The following CNTNAP5 variants were observed in gnomAD, a reference collection of about 807,000 sequenced individuals.
CNTNAP5 encodes contactin associated protein family member 5.
Under a neutral mutation model 150.2 loss-of-function variants are expected in CNTNAP5, and 72 were observed. That is an observed-to-expected ratio of 0.48 (90% CI 0.40 to 0.58). The LOEUF (loss-of-function observed/expected upper bound fraction) is 0.58. Ranked by LOEUF, CNTNAP5 falls within the 20% of genes least tolerant of loss-of-function variation. The probability of loss-of-function intolerance (pLI) is 0.00; values close to 1 mark genes in which losing one functional copy is unlikely to be tolerated. For missense variants in CNTNAP5, 1,636 were observed against 1,626.2 expected (o/e 1.01, Z -0.10); for synonymous variants, 672 against 619.8 (o/e 1.08, Z -1.25).
intron 19 of CNTNAP5, among the ~76,000 whole-genome samples, chr2:124,810,437 G>A (rs1682183703): frequency 2.0e-5 from 3 of 152,160 alleles, no homozygotes; most frequent in Non-Finnish European, 4.4e-5. Context: ...AGATACAGTG[G>A]AGGGCAGGGG....
At chr2:124,193,765 C>T (rs1385187140) in intron 1 of CNTNAP5, among the ~76,000 whole-genome samples, 2 of 152,172 alleles carry the variant, frequency 1.3e-5, no homozygotes, top group Admixed American at 6.5e-5. Flanking sequence ...TTTAAGCTAA[C>T]TCCTGTTAAA....
intron 8 of CNTNAP5, among the ~76,000 whole-genome samples, chr2:124,508,984 A>T (rs1311382583): frequency 6.6e-6 from 1 of 152,246 alleles, no homozygotes; most frequent in Non-Finnish European, 1.5e-5. Flanking sequence ...TGTTCCAATA[A>T]TTTTTGAGAG....
intron 1 of CNTNAP5, among the ~76,000 whole-genome samples, chr2:124,152,776 A>G (rs535051196): frequency 6.6e-6 from 1 of 152,298 alleles, no homozygotes; most frequent in South Asian, 2.1e-4. Flanking sequence ...CTAAATTTCA[A>G]TTCTGAAGGA....
At chr2:124,830,775 GA>G (rs1303422326) in intron 19 of CNTNAP5, among the ~76,000 whole-genome samples, 4 of 151,884 alleles carry the variant, frequency 2.6e-5, no homozygotes, top group African/African-American at 9.6e-5. Context: ...TAGAACTGGA[GA>G]AAAAAAGTTA....
chr2:124,216,741 A>G (rs902610707), intron 1 of CNTNAP5, among the ~76,000 whole-genome samples: 4 of 152,208 alleles, frequency 2.6e-5, no homozygotes, highest in Non-Finnish European at 5.9e-5. Flanking sequence ...ATGGCTGCAT[A>G]GTATTCCATG....
intron 3 of CNTNAP5, among the ~76,000 whole-genome samples, chr2:124,277,098 A>G (rs1336503234): frequency 1.3e-5 from 2 of 152,190 alleles, no homozygotes; most frequent in Admixed American, 6.6e-5. Context: ...CATGTAAAAT[A>G]TAAATGTTGC....
chr2:124,047,384 C>G (rs17010766), intron 1 of CNTNAP5, among the ~76,000 whole-genome samples: 64 of 152,328 alleles, frequency 4.2e-4, no homozygotes, highest in African/African-American at 1.3e-3. Flanking sequence ...GGTGAAGTAT[C>G]TTACCCAAGG....
At chr2:124,379,818 G>T (rs1558875535) in intron 3 of CNTNAP5, among the ~76,000 whole-genome samples, 1 of 152,070 alleles carries the variant, frequency 6.6e-6, no homozygotes, top group Non-Finnish European at 1.5e-5. Flanking sequence ...TTGCGCAGAG[G>T]TGTAGATGGT....
In CNTNAP5 at chr2:124,273,919, G is replaced by A. The variant is rs75653699; in HGVS notation, c.381+31526G>A. Among the ~76,000 whole-genome samples, 1,368 of 152,268 alleles carry A rather than the reference G, an allele frequency of 9.0e-3. 22 individuals are homozygous for A. The highest frequency in any genetic ancestry group is 0.031 in the African/African-American group (1,280 of 41,556). ...ATGTCCAGTTAGCAAAATTGCTGGA[G>A]AAGAGGTACAAATTTGTGTGAGTCC... On this transcript the variant is annotated intron_variant, in intron 3 of 23. Coordinates refer to ENST00000682447, the MANE Select transcript of CNTNAP5 (RefSeq NM_001367498.1).
intron 7 of CNTNAP5, among the ~76,000 whole-genome samples, chr2:124,496,320 C>T (rs931228728): frequency 2.6e-5 from 4 of 152,096 alleles, no homozygotes; most frequent in African/African-American, 9.7e-5. Flanking sequence ...AGTTCTCAGA[C>T]AAATCAAATT....
chr2:124,082,981 C>A (rs1386139036), intron 1 of CNTNAP5, among the ~76,000 whole-genome samples: 1 of 152,160 alleles, frequency 6.6e-6, no homozygotes, highest in African/African-American at 2.4e-5. Context: ...CCAGTTGTAA[C>A]TGGATCATTT....
At chr2:124,640,787 A>G (rs1392562489) in intron 12 of CNTNAP5, among the ~76,000 whole-genome samples, 1 of 152,110 alleles carries the variant, frequency 6.6e-6, no homozygotes, top group Non-Finnish European at 1.5e-5. Flanking sequence ...AACGGTTCAT[A>G]GCAGATCAGC....
chr2:124,485,632 A>G (rs970841812), intron 7 of CNTNAP5, among the ~76,000 whole-genome samples: 27 of 125,370 alleles, frequency 2.2e-4, no homozygotes, highest in East Asian at 4.9e-4. Context: ...AAAAAAAAAA[A>G]AAGAAGAAGG....
At position 124,542,393 on chromosome 2, in the gene CNTNAP5, G is replaced by A. The variant is rs573297018; in HGVS notation, c.1649+14937G>A. On this transcript the variant is annotated intron_variant, in intron 10 of 23. Transcript: ENST00000682447. ...GAAAGCAGACATCTTACAAAGGGAAGTTAATGGCACTGAGGGCCATGAAGT... is the reference window on the plus strand; with the variant it reads ...GAAAGCAGACATCTTACAAAGGGAAATTAATGGCACTGAGGGCCATGAAGT... Among the ~76,000 whole-genome samples the A allele has an allele frequency of 7.3e-5, 11 of 151,704 alleles. No homozygotes were observed. The South Asian group carries it at 2.3e-3, about 32-fold the overall frequency.
chr2:124,779,868 C>T (rs1273621060), intron 17 of CNTNAP5, among the ~76,000 whole-genome samples: 2 of 152,188 alleles, frequency 1.3e-5, no homozygotes, highest in Non-Finnish European at 2.9e-5. Flanking sequence ...TCTGTGAGCA[C>T]ACACAATACG....
At chr2:124,794,335 A>G (rs1681798957) in intron 18 of CNTNAP5, among the ~76,000 whole-genome samples, 1 of 152,200 alleles carries the variant, frequency 6.6e-6, no homozygotes, top group South Asian at 2.1e-4. Flanking sequence ...AGATGTGGGA[A>G]GCGCAGGACT....
At chr2:124,515,972 A>G (rs1194850323) in intron 8 of CNTNAP5, among the ~76,000 whole-genome samples, 2 of 152,126 alleles carry the variant, frequency 1.3e-5, no homozygotes, top group Non-Finnish European at 2.9e-5. Flanking sequence ...AGGTAGTTGG[A>G]TCTAGCAAGG....
chr2:124,482,754 C>T (rs1183592347), intron 7 of CNTNAP5, among the ~76,000 whole-genome samples: 1 of 152,162 alleles, frequency 6.6e-6, no homozygotes, highest in Non-Finnish European at 1.5e-5. Context: ...CCAGCGGCTC[C>T]TGTCTCTGCA....
At chr2:124,609,008 T>G (rs1206790601) in intron 11 of CNTNAP5, among the ~76,000 whole-genome samples, 1 of 152,194 alleles carries the variant, frequency 6.6e-6, no homozygotes, top group African/African-American at 2.4e-5. Context: ...AGCAGTAATT[T>G]TTTTAATTCA....
Sources: allele counts gnomAD v4.1 joint callset (sites outside exome capture counted in the v4.1 genomes callset), GRCh38; gene constraint gnomAD v4.1.1; transcripts MANE v1.5; gene names NCBI Gene and HGNC (gene_info 2026-07-23, HGNC 2026-07-21).